The following SMYD3 variants were observed in gnomAD, a reference collection of about 807,000 sequenced individuals.
SMYD3 encodes the protein histone-lysine N-methyltransferase SMYD3.
In SMYD3, 36 loss-of-function variants were observed where a neutral mutation model predicts 57.7. The observed-to-expected ratio is 0.62, with a 90% CI of 0.48 to 0.82. The LOEUF (loss-of-function observed/expected upper bound fraction) is 0.82. Ranked by LOEUF, SMYD3 falls within the 40% of genes least tolerant of loss-of-function variation. The pLI is 0.00. For synonymous variants in SMYD3, 211 were observed against 195.0 expected (o/e 1.08, Z -0.68); for missense variants, 515 against 538.8 (o/e 0.96, Z 0.44).
chr1:246,186,764 G>T (rs2062648330), intron 5 of SMYD3: 10 of 985,370 alleles, frequency 1.0e-5, no homozygotes, highest in Non-Finnish European at 1.2e-5. Context: ...CAGGGCAAAA[G>T]GTTCACAACA....
chr1:246,236,557 GA>G (rs2063515097), intron 5 of SMYD3, among the ~76,000 whole-genome samples: 1 of 152,188 alleles, frequency 6.6e-6, no homozygotes, highest in Non-Finnish European at 1.5e-5. Flanking sequence ...TGGGACTACA[GA>G]GGCCTGCCAC....
At chr1:245,973,568 C>A (rs11811545) in intron 5 of SMYD3, among the ~76,000 whole-genome samples, 69,633 of 151,992 alleles carry the variant, frequency 0.46, 18,548 homozygotes, top group East Asian at 0.85. Flanking sequence ...AGGAACAAAA[C>A]CTACCCATGT....
chr1:246,316,866 C>A (rs935400769), intron 5 of SMYD3, among the ~76,000 whole-genome samples: 2 of 150,608 alleles, frequency 1.3e-5, no homozygotes, highest in Non-Finnish European at 3.0e-5. Context: ...TGGTGGTGTG[C>A]GGCCTGTAGT....
chr1:246,065,871 C>T (rs576637443), intron 5 of SMYD3, among the ~76,000 whole-genome samples: 14 of 152,144 alleles, frequency 9.2e-5, no homozygotes, highest in African/African-American at 2.7e-4. Context: ...CTTATAGCCA[C>T]GTAGAGTTCA....
intron 1 of SMYD3, among the ~76,000 whole-genome samples, chr1:246,374,835 G>A (rs1324959413): frequency 6.9e-6 from 1 of 145,300 alleles, no homozygotes; most frequent in Non-Finnish European, 1.5e-5. Flanking sequence ...GCTCACGTCT[G>A]TTATCCCAGC....
chr1:245,833,771 G>A (rs952918240), intron 10 of SMYD3, among the ~76,000 whole-genome samples: 2 of 152,198 alleles, frequency 1.3e-5, no homozygotes, highest in African/African-American at 2.4e-5. Context: ...TGTGCAGGCA[G>A]GGACAACCTC....
chr1:246,328,312 T>C (rs7517789), intron 4 of SMYD3, among the ~76,000 whole-genome samples: 6,290 of 152,254 alleles, frequency 0.041, 442 homozygotes, highest in African/African-American at 0.15. Flanking sequence ...AAATATCATT[T>C]TCAATCATAC....
intron 1 of SMYD3, among the ~76,000 whole-genome samples, chr1:246,426,419 A>T (rs890850786): frequency 5.9e-5 from 9 of 152,162 alleles, no homozygotes; most frequent in Admixed American, 4.6e-4. Flanking sequence ...TCCCTACCCC[A>T]TCTCGACCTC....
Position 246,345,650 on chromosome 1 carries a change from T to TAA in SMYD3, c.228+9380_228+9381insTT, listed in dbSNP as rs368648355. Among the ~76,000 whole-genome samples, 311 of 152,326 alleles carry TAA rather than the reference T, an allele frequency of 2.0e-3. 1 individual carries two copies. The highest frequency in any genetic ancestry group is 0.01 in the Middle Eastern group (3 of 294). On this transcript the variant is annotated intron_variant, in intron 2 of 11. Coordinates refer to ENST00000490107, the MANE Select transcript of SMYD3 (RefSeq NM_001167740.2). Reference sequence around the variant, plus strand: ...ATGCTCAACTTGTATTATGATGTGTTGACATTTTAAAAACCTTTCTGACTA... The same window carrying TAA: ...ATGCTCAACTTGTATTATGATGTGTTAAGACATTTTAAAAACCTTTCTGACTA...
At chr1:245,782,631 TCAGTAATTGAA>T (rs2046879012) in intron 10 of SMYD3, among the ~76,000 whole-genome samples, 1 of 152,224 alleles carries the variant, frequency 6.6e-6, no homozygotes, top group Non-Finnish European at 1.5e-5. Context: ...TGTGACAAAA[TCAGTAATTGAA>T]TGATTAAACT....
chr1:246,393,379 C>A (rs2066603712), intron 1 of SMYD3, among the ~76,000 whole-genome samples: 1 of 152,136 alleles, frequency 6.6e-6, no homozygotes, highest in African/African-American at 2.4e-5. Context: ...CTACATACAT[C>A]ACAAAATCAC....
At chr1:246,453,494 C>CA (rs984002122) in intron 1 of SMYD3, among the ~76,000 whole-genome samples, 2 of 151,920 alleles carry the variant, frequency 1.3e-5, no homozygotes, top group African/African-American at 2.4e-5. Context: ...ACACTACTGA[C>CA]AAAAAAGGTA....
At chr1:246,009,796 A>G (rs1294127402) in intron 5 of SMYD3, among the ~76,000 whole-genome samples, 3 of 130,942 alleles carry the variant, frequency 2.3e-5, no homozygotes, top group Non-Finnish European at 4.9e-5. Context: ...ACGTTGTCTC[A>G]TGTAAGATCT....
At chr1:246,248,294 A>G (rs2063741572) in intron 5 of SMYD3, among the ~76,000 whole-genome samples, 1 of 152,128 alleles carries the variant, frequency 6.6e-6, no homozygotes, top group Admixed American at 6.5e-5. Context: ...GACACACAAG[A>G]GAAGTCTTCA....
At chr1:246,142,584 A>G (rs2061774582) in intron 5 of SMYD3, among the ~76,000 whole-genome samples, 3 of 152,194 alleles carry the variant, frequency 2.0e-5, no homozygotes, top group Admixed American at 2.0e-4. Context: ...ACGCATGGAT[A>G]CGCTTGATGA....
At chr1:246,082,183 T>C (rs1307741536) in intron 5 of SMYD3, among the ~76,000 whole-genome samples, 1 of 151,990 alleles carries the variant, frequency 6.6e-6, no homozygotes, top group Non-Finnish European at 1.5e-5. Context: ...GTAAAACTAA[T>C]GAAAGGCCAT....
chr1:246,298,205 A>G (rs1054100964), intron 5 of SMYD3, among the ~76,000 whole-genome samples: 2 of 150,798 alleles, frequency 1.3e-5, no homozygotes, highest in African/African-American at 5.0e-5. Flanking sequence ...AACATTCATA[A>G]AGAGCAAGAG....
chr1:246,284,560 G>C (rs1426039438), intron 5 of SMYD3, among the ~76,000 whole-genome samples: 1 of 151,756 alleles, frequency 6.6e-6, no homozygotes, highest in Non-Finnish European at 1.5e-5. Context: ...GGGACTACAG[G>C]CACCCGCCAC....
intron 4 of SMYD3, 72 bp from the exon 5 acceptor site, chr1:246,327,409 G>A: frequency 1.5e-6 from 2 of 1,342,028 alleles, no homozygotes; most frequent in African/African-American, 1.5e-5. Flanking sequence ...AGTGTTCAAT[G>A]CTGGCTGTTA....
Sources: gnomAD v4.1 joint callset for allele counts (sites outside exome capture counted in the v4.1 genomes callset) on GRCh38, gnomAD v4.1.1 for gene constraint, MANE v1.5 for transcripts, NCBI Gene and HGNC (gene_info 2026-07-23, HGNC 2026-07-21) for gene names.